Variants in DGAT2 observed in about 807,000 individuals in gnomAD.
DGAT2 encodes diacylglycerol O-acyltransferase 2.
Under a neutral mutation model 48.4 loss-of-function variants are expected in DGAT2, and 33 were observed. The observed-to-expected ratio is 0.68, with a 90% CI of 0.52 to 0.91. The LOEUF is 0.91. Among genes scored for constraint, DGAT2 ranks in the 40% least tolerant of loss-of-function variants. The pLI, the probability that DGAT2 is intolerant of heterozygous loss-of-function variation, is 0.00. For synonymous variants in DGAT2, 191 were observed against 194.1 expected (o/e 0.98, Z 0.13); for missense variants, 446 against 493.7 (o/e 0.90, Z 0.92).
chr11:75,783,045 T>A lies in DGAT2; in HGVS notation c.122-1573T>A, dbSNP rs913800036. 1.7e-4 allele frequency among the ~76,000 whole-genome samples: 26 copies of A among 152,236 alleles called. 1 individual carries two copies. The highest frequency in any genetic ancestry group is 1.5e-3 in the Admixed American group (23 of 15,282). The stretch of plus-strand genomic sequence containing the variant: ...TGTAAAGGGGGCGAAGGAGCAATTA[T>A]GAGGCAGACCTCTGGAATGGCTCTA... On this transcript the variant is annotated intron_variant, in intron 1 of 7. Coordinates refer to ENST00000228027, the MANE Select transcript of DGAT2 (RefSeq NM_032564.5).
chr11:75,783,329 C>G (rs1182088663), intron 1 of DGAT2, among the ~76,000 whole-genome samples: 1 of 152,228 alleles, frequency 6.6e-6, no homozygotes, highest in Non-Finnish European at 1.5e-5. Context: ...CTAGCATTTC[C>G]TTCCTTCCTC....
In DGAT2 at chr11:75,787,120, T is replaced by C. The variant is rs559270297; in HGVS notation, c.250+2374T>C. Among the ~76,000 whole-genome samples the C allele has an allele frequency of 1.9e-4, 29 of 152,354 alleles. No individual in the cohort carries two copies. The South Asian group carries it at 5.6e-3, about 29-fold the overall frequency. On this transcript the variant is annotated intron_variant, in intron 2 of 7. Transcript: ENST00000228027. ...AAGTTATATGAAAATACCTTTGTTA[T>C]TTATTTGTGTCATAAGTACTGCTGA...
rs1944729682 is a variant in DGAT2 at position 75,769,079 on chromosome 11, C to T, written c.88C>T (p.Pro30Ser). 1 of 1,577,662 alleles carries T rather than the reference C, an allele frequency of 6.3e-7. No homozygotes were observed. The highest frequency in any genetic ancestry group is 1.1e-5 in the South Asian group (1 of 87,200). ...ADRSQRSHGG[P>S]ALSREGSGRW... is the part of the protein sequence containing the mutation. ...CCGGAGCCAGCGCTCTCACGGAGGA[C>T]CTGCGCTGTCGCGCGAGGGGTCTGG... The change falls in exon 1 of 8, where the codon CCT becomes TCT. Residue 30 changes from proline (P) to serine (S), a missense_variant. Coordinates refer to ENST00000228027, the MANE Select transcript of DGAT2 (RefSeq NM_032564.5).
chr11:75,795,861 AG>A (rs1165999369), intron 4 of DGAT2: 8 of 165,762 alleles, frequency 4.8e-5, no homozygotes, highest in Non-Finnish European at 1.1e-4. Context: ...AGAGACTGAC[AG>A]TGGGGGCAGA....
chr11:75,774,288 C>T (rs1226987192), intron 1 of DGAT2, among the ~76,000 whole-genome samples: 4 of 152,170 alleles, frequency 2.6e-5, no homozygotes, highest in African/African-American at 7.2e-5. Flanking sequence ...CGAACTGCTC[C>T]GCAGCCTCAG....
chr11:75,774,764 C>T (rs1290482012), intron 1 of DGAT2, among the ~76,000 whole-genome samples: 1 of 152,184 alleles, frequency 6.6e-6, no homozygotes, highest in Non-Finnish European at 1.5e-5. Flanking sequence ...CATGCTTGCC[C>T]ATATATTGTG....
At chr11:75,794,915 C>T (rs1945031612) in intron 4 of DGAT2, 1 of 52,326 alleles carries the variant, frequency 1.9e-5, no homozygotes, top group African/African-American at 9.2e-5. Flanking sequence ...CTTCTTTTCC[C>T]TCTCCCCTCC....
intron 4 of DGAT2, chr11:75,792,240 G>C (rs2135775750): frequency 6.6e-6 from 1 of 152,428 alleles, no homozygotes; most frequent in African/African-American, 2.4e-5. Flanking sequence ...GTTCCAAGAA[G>C]TCAGCTGGGA....
chr11:75,768,798 TG>T lies in DGAT2; in HGVS notation c.-190del. The T allele has an allele frequency of 1.7e-6, 1 of 581,582 alleles. No homozygotes were observed. Among genetic ancestry groups the T allele is most frequent in the Non-Finnish European group, 2.6e-6 (1 of 385,714 alleles). 36.0% of individuals were successfully genotyped at this position (581,582 alleles called of 1,614,324 possible). ...CCAGCGCCGCGGCTGCCGCCTCTGC[TG>T]GGGTCTAGGCTGTTTCTCTCGCGCC... On this transcript the variant is annotated 5_prime_UTR_variant, in exon 1 of 8. Coordinates refer to ENST00000228027, the MANE Select transcript of DGAT2 (RefSeq NM_032564.5).
chr11:75,796,092 C>A, intron 4 of DGAT2: 1 of 544,618 alleles, frequency 1.8e-6, no homozygotes, highest in Non-Finnish European at 3.3e-6. Flanking sequence ...CTGAGAGGAA[C>A]AAGGGCAAAC....
Position 75,800,395 on chromosome 11 carries a change from C to G in DGAT2, c.1054C>G (p.Gln352Glu). 3 of 1,614,176 alleles carry G rather than the reference C, an allele frequency of 1.9e-6. No homozygotes were observed. Among genetic ancestry groups the G allele is most frequent in the Non-Finnish European group, 2.5e-6 (3 of 1,180,032 alleles). ...CATCCCCAAGCTGGAGCACCCAACC[C>G]AGCAAGACATCGACCTGTACCACAC... ...ITIPKLEHPT[Q>E]QDIDLYHTMY... is the part of the protein sequence containing the mutation. The change falls in exon 8 of 8, where the codon CAG (glutamine) becomes GAG (glutamate). Residue 352 changes from glutamine to glutamate, a missense_variant. Coordinates refer to ENST00000228027, the MANE Select transcript of DGAT2 (RefSeq NM_032564.5).
chr11:75,782,859 A>G (rs1032785068), intron 1 of DGAT2, among the ~76,000 whole-genome samples: 5 of 152,142 alleles, frequency 3.3e-5, no homozygotes, highest in African/African-American at 1.2e-4. Context: ...TCTGCCGCCT[A>G]CTGCCTGGGT....
intron 4 of DGAT2, among the ~76,000 whole-genome samples, chr11:75,791,325 G>A (rs1424523852): frequency 6.6e-6 from 1 of 152,194 alleles, no homozygotes; most frequent in East Asian, 1.9e-4. Flanking sequence ...ACTGCATTCG[G>A]TATTTTGGGG....
At chr11:75,777,164 G>T (rs191573493) in intron 1 of DGAT2, among the ~76,000 whole-genome samples, 9 of 151,138 alleles carry the variant, frequency 6.0e-5, no homozygotes, top group African/African-American at 2.2e-4. Context: ...GCCTCAAGGA[G>T]CCCAAGAGGC....
intron 2 of DGAT2, among the ~76,000 whole-genome samples, chr11:75,789,517 G>A (rs944607533): frequency 1.3e-5 from 2 of 152,156 alleles, no homozygotes; most frequent in Admixed American, 6.5e-5. Flanking sequence ...CTGGATTGCC[G>A]TTATGTTGGA....
chr11:75,792,610 C>T (rs1945003561), intron 4 of DGAT2: 1 of 152,142 alleles, frequency 6.6e-6, no homozygotes, highest in South Asian at 2.1e-4. Flanking sequence ...CAGAACAGCT[C>T]ATCTGGCCCA....
rs555630722 is a variant in DGAT2 at position 75,798,267 on chromosome 11, G to A, written c.850G>A (p.Val284Met). Residue 284 changes from valine to methionine, a missense_variant, in exon 7 of 8, where the codon GTG becomes ATG. By Grantham distance (21) the Val-to-Met change is conservative. Transcript: ENST00000228027. Reference protein sequence around the residue: ...VPIYSFGENEVYKQVIFEEGS... With the variant: ...VPIYSFGENEMYKQVIFEEGS... ...CATCTACTCCTTTGGAGAGAATGAA[G>A]TGTACAAGCAGGTGATCTTCGAGGA... The A allele has an allele frequency of 1.2e-6, 2 of 1,614,202 alleles. No individual in the cohort carries two copies. Among genetic ancestry groups the A allele is most frequent in the South Asian group, 2.2e-5 (2 of 91,088 alleles).
In DGAT2 at chr11:75,798,514, C is replaced by G. The variant is rs551464463; in HGVS notation, c.1012+85C>G. 6.4e-5 allele frequency: 94 copies of G among 1,466,960 alleles called. No individual in the cohort carries two copies. The African/African-American group carries it at 1.3e-3, about 20-fold the overall frequency. 90.9% of individuals were successfully genotyped at this position (1,466,960 alleles called of 1,614,324 possible). The stretch of plus-strand genomic sequence containing the variant: ...CAGCAGTAGAGACGGGATTCCAATG[C>G]AGGCCACCTGGCTCTGATGGCCATG... On this transcript the variant is annotated intron_variant, in intron 7 of 7. Transcript: ENST00000228027.
At chr11:75,776,776 G>A (rs1050198873) in intron 1 of DGAT2, 5 of 152,218 alleles carry the variant, frequency 3.3e-5, no homozygotes, top group African/African-American at 1.2e-4. Flanking sequence ...CATCATGTGT[G>A]TGGACTCCCG....
Sources: gnomAD v4.1 joint callset for allele counts (sites outside exome capture counted in the v4.1 genomes callset) on GRCh38, gnomAD v4.1.1 for gene constraint, MANE v1.5 for transcripts, NCBI Gene and HGNC (gene_info 2026-07-23, HGNC 2026-07-21) for gene names.